The following MEI4 variants were observed in gnomAD, a reference collection of about 807,000 sequenced individuals.
MEI4 encodes the protein meiosis-specific protein MEI4.
In MEI4, 27 loss-of-function variants were observed where a neutral mutation model predicts 31.4. The ratio of observed to expected loss-of-function variants is 0.86; its 90% CI spans 0.63 to 1.19. The LOEUF (loss-of-function observed/expected upper bound fraction) is 1.19. MEI4 is among the 50% of genes most tolerant of loss of function. MEI4 has a pLI of 0.00. For missense variants in MEI4, 329 were observed against 398.9 expected (o/e 0.82, Z 1.49); for synonymous variants, 122 against 145.4 (o/e 0.84, Z 1.16).
intron 3 of MEI4, among the ~76,000 whole-genome samples, chr6:77,804,215 C>T (rs1351654931): frequency 6.6e-6 from 1 of 152,168 alleles, no homozygotes; most frequent in Non-Finnish European, 1.5e-5. Flanking sequence ...GCAGTTTGAT[C>T]TCAGACTGCT....
chr6:77,681,446 A>G (rs1049645201), intron 1 of MEI4, among the ~76,000 whole-genome samples: 1 of 152,238 alleles, frequency 6.6e-6, no homozygotes. Context: ...AATATTTTTA[A>G]AAAATCCATG....
intron 3 of MEI4, among the ~76,000 whole-genome samples, chr6:77,788,877 T>C (rs1768831563): frequency 6.6e-6 from 1 of 152,204 alleles, no homozygotes; most frequent in Admixed American, 6.5e-5. Context: ...TACAAGTGAC[T>C]TTCTTCACAG....
chr6:77,743,011 T>A (rs1222151573), intron 2 of MEI4, among the ~76,000 whole-genome samples: 1 of 152,064 alleles, frequency 6.6e-6, no homozygotes, highest in African/African-American at 2.4e-5. Context: ...CCATGCTGTT[T>A]TGGTTACTGT....
chr6:77,906,695 G>T (rs1766303949), intron 4 of MEI4, among the ~76,000 whole-genome samples: 1 of 152,176 alleles, frequency 6.6e-6, no homozygotes, highest in South Asian at 2.1e-4. Flanking sequence ...TAACATATAG[G>T]CTTGCAGGGA....
chr6:77,778,503 C>G (rs991515007), intron 3 of MEI4, among the ~76,000 whole-genome samples: 2 of 151,852 alleles, frequency 1.3e-5, no homozygotes, highest in African/African-American at 4.8e-5. Context: ...GAATTGAAGA[C>G]CAGTCTGGAC....
rs552203066 is a variant in MEI4 at position 77,663,807 on chromosome 6, C to T, written c.-15+10715C>T. Reference sequence around the variant, plus strand: ...CTAGGGGGCTTCCGAGGCGATCAGGCAGTGTCAGTCTTCAGCCGCTAAGCC... The same window carrying T: ...CTAGGGGGCTTCCGAGGCGATCAGGTAGTGTCAGTCTTCAGCCGCTAAGCC... On this transcript the variant is annotated intron_variant, in intron 1 of 4. Coordinates refer to ENST00000684080, the MANE Select transcript of MEI4 (RefSeq NM_001322247.2). 5.9e-5 allele frequency among the ~76,000 whole-genome samples: 9 copies of T among 152,296 alleles called. No homozygotes were observed. In the South Asian group the frequency reaches 1.5e-3, roughly 25 times the overall value.
chr6:77,720,593 C>A lies in MEI4; in HGVS notation c.232+29690C>A, dbSNP rs1418261156. On this transcript the variant is annotated intron_variant, in intron 2 of 4. Coordinates refer to ENST00000684080, the MANE Select transcript of MEI4 (RefSeq NM_001322247.2). ...CACAGACCTCTGGGATTAACTCCTG[C>A]CTCTTGAGTGGGCAGGTGTAAGACT... 4.3e-5 allele frequency among the ~76,000 whole-genome samples: 6 copies of A among 140,602 alleles called. No individual in the cohort carries two copies. The East Asian group carries it at 1.2e-3, about 29-fold the overall frequency. 92.2% of individuals were successfully genotyped at this position (140,602 alleles called of 152,430 possible).
intron 2 of MEI4, among the ~76,000 whole-genome samples, chr6:77,740,765 C>T (rs572102843): frequency 6.6e-6 from 1 of 151,966 alleles, no homozygotes; most frequent in South Asian, 2.1e-4. Context: ...TCTGTATAGA[C>T]ACACACATAT....
At position 77,863,103 on chromosome 6, in the gene MEI4, G is replaced by A. The variant is rs1020175583; in HGVS notation, c.900+34041G>A. 4.5e-4 allele frequency among the ~76,000 whole-genome samples: 17 copies of A among 37,710 alleles called. No individual in the cohort carries two copies. In the African/African-American group the frequency reaches 5.1e-3, roughly 11 times the overall value. The allele number at this position is 37,710 out of a possible 152,430, so 24.7% of individuals were successfully genotyped here. A position where few individuals can be genotyped will look rare whatever the true frequency, so the allele number is the denominator to read the frequency against. Reference sequence around the variant, plus strand: ...TCACCATCATCAAACACCACAGGTAGATCAGGTAGATAAAACCACAAAGAT... The same window carrying A: ...TCACCATCATCAAACACCACAGGTAAATCAGGTAGATAAAACCACAAAGAT... On this transcript the variant is annotated intron_variant, in intron 4 of 4. Transcript: ENST00000684080.
intron 1 of MEI4, among the ~76,000 whole-genome samples, chr6:77,657,600 A>ATT (rs5877563): frequency 0.019 from 2,874 of 148,592 alleles, 89 homozygotes; most frequent in African/African-American, 0.067. Flanking sequence ...CACCACTTGG[A>ATT]TTTTTTTTTT....
intron 4 of MEI4, among the ~76,000 whole-genome samples, chr6:77,911,615 G>A (rs1766436506): frequency 6.6e-6 from 1 of 151,486 alleles, no homozygotes; most frequent in African/African-American, 2.4e-5. Flanking sequence ...GCCTCTAGCT[G>A]CATTTGCACT....
chr6:77,849,786 T>G (rs1770572644), intron 4 of MEI4, among the ~76,000 whole-genome samples: 1 of 152,212 alleles, frequency 6.6e-6, no homozygotes, highest in South Asian at 2.1e-4. Flanking sequence ...ACTCAAAAAC[T>G]TCTTTTATTT....
chr6:77,678,676 A>T (rs1409171160), intron 1 of MEI4, among the ~76,000 whole-genome samples: 1 of 152,198 alleles, frequency 6.6e-6, no homozygotes, highest in African/African-American at 2.4e-5. Flanking sequence ...TTATGTATTT[A>T]CTATATGTTT....
At chr6:77,860,580 A>G (rs1203110499) in intron 4 of MEI4, among the ~76,000 whole-genome samples, 1 of 152,190 alleles carries the variant, frequency 6.6e-6, no homozygotes, top group African/African-American at 2.4e-5. Flanking sequence ...ATGACATTTC[A>G]AAGTATTTTA....
At chr6:77,808,550 G>T (rs1769496860) in intron 3 of MEI4, among the ~76,000 whole-genome samples, 1 of 152,100 alleles carries the variant, frequency 6.6e-6, no homozygotes, top group Admixed American at 6.6e-5. Flanking sequence ...ATTGGTCCTG[G>T]GTTAGTCTGG....
Position 77,804,933 on chromosome 6 carries a change from G to C in MEI4, c.769-23998G>C, listed in dbSNP as rs2127702451. On this transcript the variant is annotated intron_variant, in intron 3 of 4. Transcript: ENST00000684080. ...TTTTGGTATGACAAATATATTTTAT[G>C]GGGCATTGGATTTTGTTCAGCAGGT... is the stretch of plus-strand genomic sequence containing the variant. Among the ~76,000 whole-genome samples, 3 of 152,176 alleles carry C rather than the reference G, an allele frequency of 2.0e-5. No individual in the cohort carries two copies. In the South Asian group the frequency reaches 6.2e-4, roughly 32 times the overall value.
chr6:77,691,098 G>A (rs1438921932), intron 2 of MEI4, among the ~76,000 whole-genome samples, 195 bp downstream of exon 2: 1 of 151,938 alleles, frequency 6.6e-6, no homozygotes, highest in Non-Finnish European at 1.5e-5. Flanking sequence ...TTTGACTTTG[G>A]AATGAAGTTA....
chr6:77,746,081 G>A (rs9361271), intron 2 of MEI4, among the ~76,000 whole-genome samples: 22,708 of 151,900 alleles, frequency 0.15, 2,051 homozygotes, highest in East Asian at 0.4. Flanking sequence ...AAGAGCAAAC[G>A]TATTCAAAAG....
rs949498398 is a variant in MEI4 at position 77,820,254 on chromosome 6, G to GTTTTT, written c.769-8676_769-8672dup. Reference sequence around the variant, plus strand: ...CTGGGACTGGTTTTTTTTTGTTTTTGTTTTTGTTTTTGGAGATGGAGTCTC... The same window carrying GTTTTT: ...CTGGGACTGGTTTTTTTTTGTTTTTGTTTTTTTTTTGTTTTTGGAGATGGAGTCTC... On this transcript the variant is annotated intron_variant, in intron 3 of 4. Transcript: ENST00000684080. The surrounding 1 kb of genome is among the most constrained non-coding windows in gnomAD (Gnocchi z 4.5). Among the ~76,000 whole-genome samples the GTTTTT allele has an allele frequency of 3.3e-5, 5 of 151,444 alleles. No homozygotes were observed. Among genetic ancestry groups the GTTTTT allele is most frequent in the African/African-American group, 7.3e-5 (3 of 41,272 alleles).
Sources: gnomAD v4.1 joint callset for allele counts (sites outside exome capture counted in the v4.1 genomes callset) on GRCh38, gnomAD v4.1.1 for gene constraint, Gnocchi (gnomAD v3.1) non-coding constraint, MANE v1.5 for transcripts, NCBI Gene and HGNC (gene_info 2026-07-23, HGNC 2026-07-21) for gene names.